Variants in RASGRP3 observed in about 807,000 individuals in gnomAD.
The protein encoded by RASGRP3 is RAS guanyl releasing protein 3, also known as ras guanyl-releasing protein 3.
A neutral mutation model predicts 82.7 loss-of-function variants in RASGRP3; 54 were observed. The ratio of observed to expected loss-of-function variants is 0.65; its 90% CI spans 0.52 to 0.82. RASGRP3 has a LOEUF of 0.82. Among genes scored for constraint, RASGRP3 ranks in the 40% least tolerant of loss-of-function variants. The pLI is 0.00. For missense variants in RASGRP3, 861 were observed against 828.9 expected (o/e 1.04, Z -0.48); for synonymous variants, 309 against 300.5 (o/e 1.03, Z -0.29).
chr2:33,506,532 G>A (rs569064393), intron 1 of RASGRP3, among the ~76,000 whole-genome samples: 10 of 152,256 alleles, frequency 6.6e-5, no homozygotes, highest in African/African-American at 2.4e-4. Context: ...CCAACAAATG[G>A]TATTTTTAGA....
intron 14 of RASGRP3, among the ~76,000 whole-genome samples, chr2:33,551,282 C>A (rs1272213237): frequency 2.0e-5 from 3 of 152,166 alleles, no homozygotes; most frequent in Non-Finnish European, 4.4e-5. Flanking sequence ...CACTGCACTC[C>A]AGCCTGGGTG....
intron 9 of RASGRP3, 150 bp from the exon 10 acceptor site, chr2:33,526,987 T>G (rs952692425): frequency 2.1e-5 from 18 of 845,906 alleles, no homozygotes; most frequent in Non-Finnish European, 3.2e-5. Context: ...TCTAACTTTC[T>G]TTTTCCTGAT....
At chr2:33,504,250 T>C (rs1334426245) in intron 1 of RASGRP3, among the ~76,000 whole-genome samples, 1 of 152,178 alleles carries the variant, frequency 6.6e-6, no homozygotes, top group Non-Finnish European at 1.5e-5. Flanking sequence ...TTAGTATCTT[T>C]CCTGTCAAGA....
intron 13 of RASGRP3, among the ~76,000 whole-genome samples, chr2:33,544,861 T>C (rs1460079944): frequency 1.3e-5 from 2 of 152,022 alleles, no homozygotes; most frequent in Non-Finnish European, 2.9e-5. Context: ...ATTTAAAAAA[T>C]AAAATCTGTA....
At chr2:33,499,782 T>G (rs1218047643) in intron 1 of RASGRP3, among the ~76,000 whole-genome samples, 1 of 134,586 alleles carries the variant, frequency 7.4e-6, no homozygotes, top group African/African-American at 2.9e-5. Flanking sequence ...AAAGAGAGGA[T>G]AAGATTAGAG....
intron 1 of RASGRP3, among the ~76,000 whole-genome samples, chr2:33,488,095 G>C (rs528042604): frequency 6.6e-6 from 1 of 152,170 alleles, no homozygotes; most frequent in Non-Finnish European, 1.5e-5. Context: ...ATTCATGGCT[G>C]ATTCTTACTC....
chr2:33,479,322 T>C (rs973689385), intron 1 of RASGRP3, among the ~76,000 whole-genome samples: 3 of 152,124 alleles, frequency 2.0e-5, no homozygotes, highest in African/African-American at 7.2e-5. Context: ...ACCGGGAACT[T>C]TGTTATTAAC....
At chr2:33,465,711 C>G (rs1178943606) in intron 2 of RASGRP3, among the ~76,000 whole-genome samples, 1 of 152,178 alleles carries the variant, frequency 6.6e-6, no homozygotes, top group Non-Finnish European at 1.5e-5. Flanking sequence ...CTAGGACTTT[C>G]ATAGCTAGAA....
chr2:33,540,324 G>A (rs753194059), intron 12 of RASGRP3: 8 of 146,474 alleles, frequency 5.5e-5, no homozygotes, highest in Non-Finnish European at 1.1e-4. Context: ...CTGAGAAGGA[G>A]ATAAGGTCCA....
intron 1 of RASGRP3, among the ~76,000 whole-genome samples, chr2:33,446,966 A>C (rs1441666799): frequency 2.0e-5 from 3 of 151,658 alleles, no homozygotes; most frequent in African/African-American, 7.3e-5. Flanking sequence ...ACGCGGTGAA[A>C]CCCCGTCTCT....
At chr2:33,438,629 C>A (rs971910097) in intron 1 of RASGRP3, among the ~76,000 whole-genome samples, 1 of 151,358 alleles carries the variant, frequency 6.6e-6, no homozygotes, top group East Asian at 1.9e-4. Flanking sequence ...TTAGAAATTG[C>A]TTAATAGTTC....
At chr2:33,486,549 A>G (rs1413161796) in intron 1 of RASGRP3, among the ~76,000 whole-genome samples, 1 of 152,204 alleles carries the variant, frequency 6.6e-6, no homozygotes, top group Admixed American at 6.5e-5. Flanking sequence ...ATAGGATTTT[A>G]CTGTTTAGTT....
intron 10 of RASGRP3, among the ~76,000 whole-genome samples, chr2:33,527,693 CA>C (rs563579059): frequency 4.6e-4 from 70 of 152,318 alleles, no homozygotes; most frequent in African/African-American, 1.6e-3. Flanking sequence ...GACTGTGCCT[CA>C]GCCCTCACTC....
At chr2:33,487,746 G>A (rs571535877) in intron 1 of RASGRP3, among the ~76,000 whole-genome samples, 1 of 152,242 alleles carries the variant, frequency 6.6e-6, no homozygotes, top group East Asian at 1.9e-4. Flanking sequence ...CTCATCTCCA[G>A]AAAACAACAA....
At chr2:33,546,851 T>C (rs1218084731) in intron 13 of RASGRP3, among the ~76,000 whole-genome samples, 1 of 152,078 alleles carries the variant, frequency 6.6e-6, no homozygotes, top group Admixed American at 6.6e-5. Context: ...GCGGAACACC[T>C]GAGTCGGGAG....
intron 1 of RASGRP3, among the ~76,000 whole-genome samples, chr2:33,480,953 C>T (rs896117046): frequency 3.9e-5 from 6 of 152,156 alleles, no homozygotes; most frequent in South Asian, 2.1e-4. Flanking sequence ...TTATATATGC[C>T]GGCATAAGGC....
At chr2:33,537,330 C>CCACA (rs1553359126) in intron 11 of RASGRP3, among the ~76,000 whole-genome samples, 4,662 of 95,646 alleles carry the variant, frequency 0.049, 493 homozygotes, top group Non-Finnish European at 0.058. Flanking sequence ...ACCGCCCCCC[C>CCACA]CACACACACA....
At chr2:33,530,083 C>T (rs77815984) in intron 10 of RASGRP3, among the ~76,000 whole-genome samples, 5,234 of 152,272 alleles carry the variant, frequency 0.034, 119 homozygotes, top group Middle Eastern at 0.054. Flanking sequence ...TAGAGCCCAG[C>T]GGCCATTTTA....
At chr2:33,527,674 G>C (rs1427967287) in intron 10 of RASGRP3, among the ~76,000 whole-genome samples, 10 of 152,136 alleles carry the variant, frequency 6.6e-5, no homozygotes, top group African/African-American at 2.4e-4. Flanking sequence ...GAGTTCTTAG[G>C]CTCCTCCAGA....
Sources: gnomAD v4.1 joint callset for allele counts (sites outside exome capture counted in the v4.1 genomes callset) on GRCh38, gnomAD v4.1.1 for gene constraint, MANE v1.5 for transcripts, NCBI Gene and HGNC (gene_info 2026-07-23, HGNC 2026-07-21) for gene names.